MYO1G: variants seen among roughly 807,000 people sequenced by gnomAD.
The protein encoded by MYO1G is myosin IG.
In MYO1G, 65 loss-of-function variants were observed where a neutral mutation model predicts 115.3. The ratio of observed to expected loss-of-function variants is 0.56; its 90% CI spans 0.46 to 0.69. MYO1G has a LOEUF of 0.69. MYO1G is among the 30% of genes least tolerant of loss of function. The probability of loss-of-function intolerance (pLI) is 0.00; values close to 1 mark genes in which losing one functional copy is unlikely to be tolerated. For missense variants in MYO1G, 1,204 were observed against 1,393.5 expected, an observed-to-expected ratio of 0.86 and a Z score of 2.16; for synonymous variants, 510 against 552.6, an observed-to-expected ratio of 0.92 and a Z score of 1.08.
chr7:44,968,965 C>T (rs1294177656), intron 12 of MYO1G: 5 of 182,666 alleles, frequency 2.7e-5, no homozygotes, highest in African/African-American at 9.4e-5. Context: ...AGTTAATAGC[C>T]ATCATGACAA....
intron 1 of MYO1G, among the ~76,000 whole-genome samples, chr7:44,978,494 C>T (rs1243281766): frequency 6.6e-6 from 1 of 152,148 alleles, no homozygotes; most frequent in African/African-American, 2.4e-5. Context: ...AGGGAGGTGC[C>T]CCTGGTCCCT....
rs1454974623 is a variant in MYO1G at position 44,963,914 on chromosome 7, GC to G, written c.2745+134del. 2.7e-5 allele frequency: 19 copies of G among 712,148 alleles called. No individual in the cohort carries two copies. The highest frequency in any genetic ancestry group is 4.3e-5 in the Non-Finnish European group (18 of 421,762). 44.1% of individuals were successfully genotyped at this position (712,148 alleles called of 1,614,324 possible). A position where few individuals can be genotyped will look rare whatever the true frequency, so the allele number is the denominator to read the frequency against. ...CCACTGCAGGATTTTCAGCACGGGT[GC>G]CACCATCGCTGAGTTTTAGGATGGT... On this transcript the variant is annotated intron_variant, in intron 20 of 21. Transcript: ENST00000258787. The surrounding 1 kb of genome is among the most constrained non-coding windows in gnomAD (Gnocchi z 4.1).
Position 44,963,262 on chromosome 7 carries a change from C to T in MYO1G, c.2746-138G>A. 1 of 958,314 alleles carries T rather than the reference C, an allele frequency of 1.0e-6. No individual in the cohort carries two copies. The highest frequency in any genetic ancestry group is 1.5e-6 in the Non-Finnish European group (1 of 688,988). 59.4% of individuals were successfully genotyped at this position (958,314 alleles called of 1,614,324 possible). On this transcript the variant is annotated intron_variant, in intron 20 of 21. Transcript: ENST00000258787. The surrounding 1 kb of genome is among the most constrained non-coding windows in gnomAD (Gnocchi z 4.1). Reference sequence around the variant, plus strand: ...GCCGCCCTCGCCAGGGCCACCAGCCCCCCACCGCCCCCTCCTCCCTCTCGG... The same window carrying T: ...GCCGCCCTCGCCAGGGCCACCAGCCTCCCACCGCCCCCTCCTCCCTCTCGG...
In MYO1G at chr7:44,962,698, G is replaced by C; in HGVS notation, c.*41C>G. The C allele has an allele frequency of 6.9e-7, 1 of 1,451,374 alleles. No individual in the cohort carries two copies. Among genetic ancestry groups the C allele is most frequent in the East Asian group, 2.7e-5 (1 of 36,940 alleles). 89.9% of individuals were successfully genotyped at this position (1,451,374 alleles called of 1,614,324 possible). A position where few individuals can be genotyped will look rare whatever the true frequency, so the allele number is the denominator to read the frequency against. On this transcript the variant is annotated 3_prime_UTR_variant, in exon 22 of 22. Transcript: ENST00000258787. The surrounding 1 kb of genome is among the most constrained non-coding windows in gnomAD (Gnocchi z 5.3). The stretch of plus-strand genomic sequence containing the variant: ...AAGGTTTATTTGCAGCGCTGGCGGG[G>C]CGGACAATTGGCGGCCTCGGGGTGC...
Position 44,970,646 on chromosome 7 carries a change from T to C in MYO1G, c.1163A>G (p.Asp388Gly). 1.2e-6 allele frequency: 2 copies of C among 1,613,870 alleles called. No individual in the cohort carries two copies. Among genetic ancestry groups the C allele is most frequent in the Non-Finnish European group, 1.7e-6 (2 of 1,180,030 alleles). ...RGRDPRRDGKDTVIGVLDIYG... is the reference protein window; with the variant it reads ...RGRDPRRDGKGTVIGVLDIYG... ...GATGTCCAGCACGCCAATGACTGTG[T>C]CCTTGCCATCACGCCGAGGATCCCG... is the stretch of plus-strand genomic sequence containing the variant. Residue 388 changes from aspartate to glycine, a missense_variant, in exon 9 of 22, where the codon GAC becomes GGC. Transcript: ENST00000258787.
rs775287817 is a variant in MYO1G, at chr7:44,966,572, C to T, written c.1949+100G>A. 21 of 1,434,964 alleles carry T rather than the reference C, an allele frequency of 1.5e-5. No individual in the cohort carries two copies. The highest frequency in any genetic ancestry group is 3.5e-5 in the South Asian group (3 of 85,938). 88.9% of individuals were successfully genotyped at this position (1,434,964 alleles called of 1,614,324 possible). A position where few individuals can be genotyped will look rare whatever the true frequency, so the allele number is the denominator to read the frequency against. ...GCAGCGTGCTGGTTCCTGCTTGTAT[C>T]GATGTTTGCGACGTGCTGTTTGGGG... On this transcript the variant is annotated intron_variant, in intron 15 of 21. Transcript: ENST00000258787. This position sits in a 1 kb window ranked among gnomAD's most constrained non-coding sequence, Gnocchi z 5.0.
intron 1 of MYO1G, among the ~76,000 whole-genome samples, chr7:44,978,638 G>A (rs547785066): frequency 5.3e-5 from 8 of 152,352 alleles, no homozygotes; most frequent in East Asian, 3.9e-4. Flanking sequence ...GGGCAGCTCC[G>A]GTGCTGACTT....
In MYO1G at chr7:44,975,669, G is replaced by C. The variant is rs1364522416; in HGVS notation, c.399-20C>G. On this transcript the variant is annotated intron_variant, in intron 3 of 21. Transcript: ENST00000258787. ...TTGACCCTGTCAGGGCAGAGGGGCT[G>C]GGTCTTAAGGCAAAGACTTCCCATC... is the stretch of plus-strand genomic sequence containing the variant. The C allele has an allele frequency of 2.5e-6, 4 of 1,573,550 alleles. No homozygotes were observed. The African/African-American group carries it at 5.4e-5, about 21-fold the overall frequency.
chr7:44,971,688 A>C lies in MYO1G; in HGVS notation c.831T>G (p.Ala277=). ...CCAGGCTCACCAGGTGCAATATGGC[A>C]GCCAGGATGCGATGCACAGACTCCA... ...EEVESVHRIL[A]AILHLGNIEF... is the part of the protein sequence containing the mutation. Residue 277 remains alanine (A), a synonymous_variant, in exon 7 of 22, where the codon GCT becomes GCG. Coordinates refer to ENST00000258787, the MANE Select transcript of MYO1G (RefSeq NM_033054.3). 1 of 1,558,670 alleles carries C rather than the reference A, an allele frequency of 6.4e-7. No homozygotes were observed. The highest frequency in any genetic ancestry group is 8.7e-7 in the Non-Finnish European group (1 of 1,150,894).
intron 8 of MYO1G, 22 bp downstream of exon 8, chr7:44,970,811 TCC>T (rs924200289): frequency 1.2e-6 from 2 of 1,613,386 alleles, no homozygotes; most frequent in African/African-American, 2.7e-5. Context: ...TGGGCTTCCC[TCC>T]CTGTGCCTGC....
rs1794947381 is a variant in MYO1G at position 44,970,970 on chromosome 7, A to T, written c.936T>A (p.Ala312=). Residue 312 remains alanine (A), a synonymous_variant, in exon 8 of 22, where the codon GCT becomes GCA. Transcript: ENST00000258787. ...VAEEALVDHV[A]ELTATPRDLV... ...GGTCCCGGGGTGTGGCCGTCAGCTC[A>T]GCCACATGGTCCACCAGTGCCTCCT... The T allele has an allele frequency of 1.2e-6, 2 of 1,613,392 alleles. No individual in the cohort carries two copies. Among genetic ancestry groups the T allele is most frequent in the African/African-American group, 1.3e-5 (1 of 74,930 alleles).
rs141019616 is a variant in MYO1G, at chr7:44,971,044, C to G, written c.862G>C (p.Val288Leu). 17 of 1,611,172 alleles carry G rather than the reference C, an allele frequency of 1.1e-5. No homozygotes were observed. Among genetic ancestry groups the G allele is most frequent in the Non-Finnish European group, 1.3e-5 (15 of 1,179,262 alleles). ...TGCAGCCCACCCTCCTCCGTCTCCACAAACTCGATGTTTCCCTGGTGATGG... is the reference window on the plus strand; with the variant it reads ...TGCAGCCCACCCTCCTCCGTCTCCAGAAACTCGATGTTTCCCTGGTGATGG... ...AILHLGNIEFVETEEGGLQKE... is the reference protein window; with the variant it reads ...AILHLGNIEFLETEEGGLQKE... The change falls in exon 8 of 22, where the codon GTG (valine) becomes CTG (leucine). Residue 288 changes from valine to leucine, a missense_variant. Transcript: ENST00000258787.
intron 3 of MYO1G, among the ~76,000 whole-genome samples, 158 bp downstream of exon 3, chr7:44,976,406 G>T (rs1795049653): frequency 6.6e-6 from 1 of 152,166 alleles, no homozygotes; most frequent in Non-Finnish European, 1.5e-5. Flanking sequence ...TCACCTCCGG[G>T]TGTGTTGGCA....
chr7:44,965,359 G>A (rs769064011), intron 17 of MYO1G, among the ~76,000 whole-genome samples: 5 of 152,174 alleles, frequency 3.3e-5, no homozygotes, highest in Non-Finnish European at 7.4e-5. Context: ...TCAAGACCCC[G>A]CTCAGATGCA....
Position 44,963,958 on chromosome 7 carries a change from A to C in MYO1G, c.2745+91T>G. On this transcript the variant is annotated intron_variant, in intron 20 of 21. Coordinates refer to ENST00000258787, the MANE Select transcript of MYO1G (RefSeq NM_033054.3). The surrounding 1 kb of genome is among the most constrained non-coding windows in gnomAD (Gnocchi z 4.1). ...AGGATGGTCTGGGCCATCTCAGGTA[A>C]ACAGGGGAGAGAAGACTGAGGCAGG... 1 of 1,079,698 alleles carries C rather than the reference A, an allele frequency of 9.3e-7. No individual in the cohort carries two copies. The highest frequency in any genetic ancestry group is 2.6e-5 in the East Asian group (1 of 38,320). 66.9% of individuals were successfully genotyped at this position (1,079,698 alleles called of 1,614,324 possible). A position where few individuals can be genotyped will look rare whatever the true frequency, so the allele number is the denominator to read the frequency against.
rs753295216 is a variant in MYO1G, at chr7:44,966,748, G to C, written c.1873C>G (p.Leu625Val). 6.2e-7 allele frequency: 1 copy of C among 1,613,536 alleles called. No individual in the cohort carries two copies. The highest frequency in any genetic ancestry group is 8.5e-7 in the Non-Finnish European group (1 of 1,180,004). ...ACCCTCACATTCTCCAGCAGCCCCA[G>C]GTATGCGACCTGGTGGCGACAGTGG... Reference protein sequence around the residue: ...ENHCRHQVAYLGLLENVRVRR... With the variant: ...ENHCRHQVAYVGLLENVRVRR... Residue 625 changes from leucine (L) to valine (V), a missense_variant, in exon 15 of 22, where the codon CTG becomes GTG. Coordinates refer to ENST00000258787, the MANE Select transcript of MYO1G (RefSeq NM_033054.3). This position sits in a 1 kb window ranked among gnomAD's most constrained non-coding sequence, Gnocchi z 5.0.
intron 3 of MYO1G, 63 bp from the exon 4 acceptor site, chr7:44,975,712 GC>G: frequency 6.8e-7 from 1 of 1,463,750 alleles, no homozygotes; most frequent in Non-Finnish European, 9.1e-7. Context: ...TGCTGTCTCT[GC>G]CCCTGAGTCT....
chr7:44,970,393 G>A (rs868139254), intron 9 of MYO1G, among the ~76,000 whole-genome samples, 199 bp downstream of exon 9: 2 of 152,158 alleles, frequency 1.3e-5, no homozygotes, highest in Non-Finnish European at 2.9e-5. Context: ...CTCATGCCCC[G>A]TAATTCTGCC....
rs187461540 is a variant in MYO1G, at chr7:44,976,531, T to C, written c.398+33A>G. 4.5e-4 allele frequency: 718 copies of C among 1,604,686 alleles called. 6 individuals are homozygous for C. In the African/African-American group the frequency reaches 8.9e-3, roughly 20 times the overall value. On this transcript the variant is annotated intron_variant, in intron 3 of 21. Transcript: ENST00000258787. ...CCACACTGAGGTCCCTGGCCTGCCA[T>C]GCTGAGGCCCAGAGCTGCCCATTGC...
Sources: allele counts gnomAD v4.1 joint callset (sites outside exome capture counted in the v4.1 genomes callset), GRCh38; gene constraint gnomAD v4.1.1; non-coding constraint Gnocchi (gnomAD v3.1); transcripts MANE v1.5; gene names NCBI Gene and HGNC (gene_info 2026-07-23, HGNC 2026-07-21).